SCN3A: variants seen among roughly 807,000 people sequenced by gnomAD.
SCN3A encodes the protein sodium channel protein type 3 subunit alpha.
SCN3A carries 60 observed loss-of-function variants against 187.6 expected under a neutral mutation model. That is an observed-to-expected ratio of 0.32 (90% CI 0.26 to 0.40). The LOEUF (loss-of-function observed/expected upper bound fraction) is 0.40. Among genes scored for constraint, SCN3A ranks in the 10% least tolerant of loss-of-function variants. SCN3A has a pLI of 1.00. For missense variants in SCN3A, 1,601 were observed against 2,428.2 expected (o/e 0.66, Z 7.16); for synonymous variants, 788 against 829.2 (o/e 0.95, Z 0.85).
chr2:165,148,845 G>C (rs1899012), intron 11 of SCN3A, among the ~76,000 whole-genome samples: 33,167 of 151,882 alleles, frequency 0.22, 3,615 homozygotes, highest in East Asian at 0.31. Context: ...GATGTAAAAT[G>C]AGAAATATTA....
chr2:165,177,604 A>G (rs922176588), intron 2 of SCN3A, among the ~76,000 whole-genome samples: 6 of 152,142 alleles, frequency 3.9e-5, no homozygotes, highest in African/African-American at 1.2e-4. Context: ...GTGACTACGG[A>G]ATTAAAGGAA....
intron 2 of SCN3A, among the ~76,000 whole-genome samples, chr2:165,185,872 C>G (rs2105951959): frequency 6.6e-6 from 1 of 152,200 alleles, no homozygotes; most frequent in African/African-American, 2.4e-5. Context: ...TCAGGTGAGC[C>G]ATAGATCCAA....
At chr2:165,111,025 A>T (rs1686086402) in intron 21 of SCN3A, among the ~76,000 whole-genome samples, 1 of 152,166 alleles carries the variant, frequency 6.6e-6, no homozygotes, top group Admixed American at 6.5e-5. Context: ...ATTTTCTAGA[A>T]AACTTCTATC....
At chr2:165,128,184 T>A in intron 17 of SCN3A, 83 bp from the exon 18 acceptor site, 1 of 1,069,898 alleles carries the variant, frequency 9.3e-7, no homozygotes, top group Non-Finnish European at 1.3e-6. Context: ...TCATAGATCT[T>A]TGCTAAAATT....
intron 2 of SCN3A, among the ~76,000 whole-genome samples, chr2:165,177,403 T>C (rs1690538038): frequency 6.6e-6 from 1 of 152,166 alleles, no homozygotes; most frequent in African/African-American, 2.4e-5. Flanking sequence ...TGGGTTATCA[T>C]AAGGAATAAA....
chr2:165,114,283 T>C (rs1337888945), intron 19 of SCN3A, among the ~76,000 whole-genome samples: 1 of 152,182 alleles, frequency 6.6e-6, no homozygotes, highest in Non-Finnish European at 1.5e-5. Flanking sequence ...GGTGCATCTC[T>C]CAGGTTTGAG....
chr2:165,136,722 G>A (rs1183271557), intron 15 of SCN3A, among the ~76,000 whole-genome samples: 1 of 152,214 alleles, frequency 6.6e-6, no homozygotes, highest in African/African-American at 2.4e-5. Flanking sequence ...AACACTGAGA[G>A]AGGCAACAGA....
At chr2:165,135,533 T>G (rs1687613581) in intron 15 of SCN3A, among the ~76,000 whole-genome samples, 1 of 152,086 alleles carries the variant, frequency 6.6e-6, no homozygotes, top group African/African-American at 2.4e-5. Context: ...AAACATTCTG[T>G]GTAATCATCT....
At chr2:165,131,142 G>T in intron 16 of SCN3A, 102 bp downstream of exon 16, 1 of 661,010 alleles carries the variant, frequency 1.5e-6, no homozygotes, top group Non-Finnish European at 2.2e-6. Context: ...ACATATTGAT[G>T]TAAATTTAAA....
chr2:165,168,600 C>T lies in SCN3A; in HGVS notation c.473+136G>A. ...AAGAATAGCTCCCCCAAAGAACTTC[C>T]CTTATCTTCTTTCATATTATGAAAA... On this transcript the variant is annotated intron_variant, in intron 5 of 27. Transcript: ENST00000283254. 7.0e-6 allele frequency: 5 copies of T among 711,182 alleles called. No homozygotes were observed. The Admixed American group carries it at 8.3e-5, about 12-fold the overall frequency. 44.1% of individuals were successfully genotyped at this position (711,182 alleles called of 1,614,324 possible).
rs1691259074 is a variant in SCN3A, at chr2:165,186,613, TTA to T, written c.-115_-114del. The T allele has an allele frequency of 6.6e-6, 1 of 152,168 alleles. No individual in the cohort carries two copies. The highest frequency in any genetic ancestry group is 2.1e-4 in the South Asian group (1 of 4,822). 9.4% of individuals were successfully genotyped at this position (152,168 alleles called of 1,614,324 possible). A position where few individuals can be genotyped will look rare whatever the true frequency, so the allele number is the denominator to read the frequency against. On this transcript the variant is annotated 5_prime_UTR_variant, in exon 2 of 28. Coordinates refer to ENST00000283254, the MANE Select transcript of SCN3A (RefSeq NM_006922.4). ...AGGTCCCTTCTGTGAATTATCTCAT[TTA>T]TTCTTACAATATCCCTAGAAGAGAT...
chr2:165,117,852 T>C (rs955669124), intron 18 of SCN3A, among the ~76,000 whole-genome samples: 17 of 152,182 alleles, frequency 1.1e-4, no homozygotes, highest in African/African-American at 3.9e-4. Flanking sequence ...TTGAAAACTT[T>C]AGAAAATATA....
rs1244609539 is a variant in SCN3A at position 165,143,572 on chromosome 2, C to A, written c.1672-2574G>T. On this transcript the variant is annotated intron_variant, in intron 12 of 27. Transcript: ENST00000283254. ...GAAATAGCATTCAGAGAAAATAAAC[C>A]AAAAATAACACACTAGAAGATGCAG... Among the ~76,000 whole-genome samples, 5 of 151,992 alleles carry A rather than the reference C, an allele frequency of 3.3e-5. No individual in the cohort carries two copies. The East Asian group carries it at 9.6e-4, about 29-fold the overall frequency.
In SCN3A at chr2:165,089,089, T is replaced by A. The variant is rs1305177801; in HGVS notation, c.*1061A>T. 6.6e-6 allele frequency: 1 copy of A among 152,582 alleles called. No individual in the cohort carries two copies. The highest frequency in any genetic ancestry group is 6.5e-5 in the Admixed American group (1 of 15,268). 9.5% of individuals were successfully genotyped at this position (152,582 alleles called of 1,614,324 possible). ...TGCATTAGTGATAGCCTTTAAACTA[T>A]GTTTAATGAATGATACAGGATACAT... On this transcript the variant is annotated 3_prime_UTR_variant, in exon 28 of 28. Transcript: ENST00000283254.
At chr2:165,155,998 A>G (rs943209270) in intron 9 of SCN3A, 95 bp from the exon 10 acceptor site, 5 of 1,435,566 alleles carry the variant, frequency 3.5e-6, no homozygotes, top group Middle Eastern at 1.8e-4. Context: ...CAAAGCTGCT[A>G]TCTGTGACGA....
Position 165,089,736 on chromosome 2 carries a change from T to A in SCN3A, c.*414A>T, listed in dbSNP as rs1684986763. 1 of 172,470 alleles carries A rather than the reference T, an allele frequency of 5.8e-6. No individual in the cohort carries two copies. 10.7% of individuals were successfully genotyped at this position (172,470 alleles called of 1,614,324 possible). A position where few individuals can be genotyped will look rare whatever the true frequency, so the allele number is the denominator to read the frequency against. The stretch of plus-strand genomic sequence containing the variant: ...ATTTACAAAAATAGTGACATAGCAT[T>A]ATGAATAAACTATGAATTGGGGACC... On this transcript the variant is annotated 3_prime_UTR_variant, in exon 28 of 28. Transcript: ENST00000283254.
intron 18 of SCN3A, among the ~76,000 whole-genome samples, chr2:165,119,263 A>T (rs1331243792): frequency 6.6e-6 from 1 of 152,204 alleles, no homozygotes; most frequent in South Asian, 2.1e-4. Context: ...CCTAGGTCAC[A>T]TATTTATCAT....
intron 18 of SCN3A, among the ~76,000 whole-genome samples, chr2:165,126,000 C>T (rs1686967667): frequency 6.6e-6 from 1 of 152,118 alleles, no homozygotes; most frequent in Non-Finnish European, 1.5e-5. Context: ...TATCTTTCAG[C>T]AACTCTAAAA....
intron 22 of SCN3A, 103 bp from the exon 23 acceptor site, chr2:165,097,627 A>G: frequency 7.1e-7 from 1 of 1,411,106 alleles, no homozygotes; most frequent in Non-Finnish European, 9.8e-7. Flanking sequence ...AAAGAGTTAA[A>G]TAAAAATCTA....
Sources: gnomAD v4.1 joint callset for allele counts (sites outside exome capture counted in the v4.1 genomes callset) on GRCh38, gnomAD v4.1.1 for gene constraint, MANE v1.5 for transcripts, NCBI Gene and HGNC (gene_info 2026-07-23, HGNC 2026-07-21) for gene names.